The following FGD4 variants were observed in gnomAD, a reference collection of about 807,000 sequenced individuals.
The protein encoded by FGD4 is FYVE, RhoGEF and PH domain-containing protein 4.
A neutral mutation model predicts 102.0 loss-of-function variants in FGD4; 42 were observed. The ratio of observed to expected loss-of-function variants is 0.41; its 90% CI spans 0.32 to 0.53. The LOEUF is 0.53. Among genes scored for constraint, FGD4 ranks in the 20% least tolerant of loss-of-function variants. The pLI, the probability that FGD4 is intolerant of heterozygous loss-of-function variation, is 0.21. For synonymous variants in FGD4, 380 were observed against 375.7 expected, an observed-to-expected ratio of 1.01 and a Z score of -0.13; for missense variants, 902 against 1,078.2, an observed-to-expected ratio of 0.84 and a Z score of 2.29.
rs751756891 is a variant in FGD4, at chr12:32,581,939, C to T, written c.504-21C>T. On this transcript the variant is annotated intron_variant, in intron 3 of 16. Coordinates refer to ENST00000534526, the MANE Select transcript of FGD4 (RefSeq NM_001370298.3). ...TTTCCATACCAATGTTTTCATGCTT[C>T]CTTTGTATTTTATCTTTTAGCTCAT... is the stretch of plus-strand genomic sequence containing the variant. 3.7e-6 allele frequency: 6 copies of T among 1,613,354 alleles called. No homozygotes were observed. In the East Asian group the frequency reaches 1.1e-4, roughly 30 times the overall value.
At chr12:32,639,145 T>TTTTG (rs1258376947) in intron 16 of FGD4, among the ~76,000 whole-genome samples, 11 of 152,094 alleles carry the variant, frequency 7.2e-5, no homozygotes, top group South Asian at 2.1e-4. Context: ...TAATTTTGTT[T>TTTTG]TTTGTTTGTT....
chr12:32,424,899 C>A (rs894256186), intron 1 of FGD4, among the ~76,000 whole-genome samples: 18 of 152,216 alleles, frequency 1.2e-4, no homozygotes, highest in African/African-American at 4.1e-4. Flanking sequence ...ATATCCTTTG[C>A]CCACTTTTTG....
chr12:32,602,312 A>G lies in FGD4; in HGVS notation c.1399A>G (p.Ile467Val). The change falls in exon 7 of 17, where the codon ATT (isoleucine) becomes GTT (valine). Residue 467 changes from isoleucine to valine, a missense_variant. Ile to Val is a conservative substitution (Grantham distance 29, BLOSUM62 3). Transcript: ENST00000534526. ...IPQFKSVVEE[I>V]QKQKICGSLT... ...CCAGTTCAAATCAGTGGTTGAAGAAATTCAGGTAATAGGACTGTTTTGTTC... is the reference window on the plus strand; with the variant it reads ...CCAGTTCAAATCAGTGGTTGAAGAAGTTCAGGTAATAGGACTGTTTTGTTC... The G allele has an allele frequency of 6.2e-7, 1 of 1,614,104 alleles. No homozygotes were observed. The highest frequency in any genetic ancestry group is 1.1e-5 in the South Asian group (1 of 91,076).
intron 1 of FGD4, among the ~76,000 whole-genome samples, chr12:32,551,635 T>A (rs984412870): frequency 2.0e-5 from 3 of 152,202 alleles, no homozygotes. Context: ...ATATAATAAC[T>A]GATACAATTG....
At position 32,643,228 on chromosome 12, in the gene FGD4, G is replaced by A. The variant is rs747272162; in HGVS notation, c.*2695G>A. 12 of 152,288 alleles carry A rather than the reference G, an allele frequency of 7.9e-5. No homozygotes were observed. Among genetic ancestry groups the A allele is most frequent in the Admixed American group, 7.9e-4 (12 of 15,234 alleles). The allele number at this position is 152,288 out of a possible 1,614,324, so 9.4% of individuals were successfully genotyped here. On this transcript the variant is annotated 3_prime_UTR_variant, in exon 17 of 17. Coordinates refer to ENST00000534526, the MANE Select transcript of FGD4 (RefSeq NM_001370298.3). ...CAGACTTTTATCTTGGTTTTAAGTG[G>A]GGCTCAATAAAAAACACCAGCCACT...
intron 1 of FGD4, among the ~76,000 whole-genome samples, chr12:32,537,259 G>A (rs1347692161): frequency 6.6e-6 from 1 of 152,102 alleles, no homozygotes; most frequent in Non-Finnish European, 1.5e-5. Context: ...AGTCTTCCTT[G>A]AGTCATTTTT....
intron 14 of FGD4, among the ~76,000 whole-genome samples, chr12:32,632,713 A>ATTTATTT (rs1228991669): frequency 1.5e-3 from 182 of 123,836 alleles, no homozygotes; most frequent in African/African-American, 5.3e-3. Context: ...TTATTTATTT[A>ATTTATTT]TTTTTTTTTT....
intron 1 of FGD4, among the ~76,000 whole-genome samples, chr12:32,543,627 T>G (rs1422661265): frequency 6.6e-6 from 1 of 152,148 alleles, no homozygotes; most frequent in Non-Finnish European, 1.5e-5. Context: ...CTTAGGAAAT[T>G]ACAAGAGTTT....
intron 1 of FGD4, among the ~76,000 whole-genome samples, chr12:32,400,822 C>A (rs1591830516): frequency 6.6e-6 from 1 of 152,194 alleles, no homozygotes; most frequent in African/African-American, 2.4e-5. Flanking sequence ...TAATTACTTT[C>A]ACGCATTTCA....
At position 32,544,687 on chromosome 12, in the gene FGD4, G is replaced by A. The variant is rs149857158; in HGVS notation, c.167-19450G>A. 1.2e-3 allele frequency among the ~76,000 whole-genome samples: 182 copies of A among 151,762 alleles called. No homozygotes were observed. Among genetic ancestry groups the A allele is most frequent in the Admixed American group, 3.3e-3 (51 of 15,256 alleles). On this transcript the variant is annotated intron_variant, in intron 1 of 16. Transcript: ENST00000534526. The surrounding 1 kb of genome is among the most constrained non-coding windows in gnomAD (Gnocchi z 4.1). The stretch of plus-strand genomic sequence containing the variant: ...GTGGAGGTTGCAGTGAGTTGAGATC[G>A]CACCATTGCACTCCAGCCTGGTGAC...
chr12:32,601,363 C>A lies in FGD4; in HGVS notation c.1187C>A (p.Ser396Ter). ...AATAAAATCTTTTCTAATATTTCAT[C>A]AATAAATGCCTTCCATAGTAAATTC... The part of the protein sequence containing the change: ...MVNKIFSNIS[S>*]INAFHSKFLL... The change falls in exon 6 of 17, where the codon TCA becomes TAA. Residue 396 changes from serine (S) to a stop codon, truncating the protein, a stop_gained. Transcript: ENST00000534526. LOFTEE classifies it high-confidence loss of function. The A allele has an allele frequency of 6.2e-7, 1 of 1,614,090 alleles. No individual in the cohort carries two copies. Among genetic ancestry groups the A allele is most frequent in the Non-Finnish European group, 8.5e-7 (1 of 1,180,014 alleles).
At chr12:32,612,827 C>A (rs1285564145) in intron 10 of FGD4, among the ~76,000 whole-genome samples, 1 of 152,168 alleles carries the variant, frequency 6.6e-6, no homozygotes, top group East Asian at 1.9e-4. Context: ...TCACTGCAGT[C>A]AGTCCTTGAC....
At chr12:32,424,203 A>G (rs1292434352) in intron 1 of FGD4, among the ~76,000 whole-genome samples, 1 of 152,052 alleles carries the variant, frequency 6.6e-6, no homozygotes, top group East Asian at 1.9e-4. Context: ...ATTTCTTCTA[A>G]TGCTATCCCT....
At chr12:32,492,124 C>T (rs1944116234) in intron 1 of FGD4, among the ~76,000 whole-genome samples, 1 of 152,162 alleles carries the variant, frequency 6.6e-6, no homozygotes, top group Non-Finnish European at 1.5e-5. Context: ...AACTGTACAT[C>T]AGCTGAGAGG....
chr12:32,625,189 C>A, intron 13 of FGD4, 121 bp downstream of exon 13: 3 of 730,364 alleles, frequency 4.1e-6, no homozygotes, highest in Admixed American at 2.1e-5. Context: ...GCTGGTTAGA[C>A]AGAATCTCAT....
intron 2 of FGD4, among the ~76,000 whole-genome samples, chr12:32,573,586 A>C (rs113159232): frequency 1.3e-5 from 2 of 152,250 alleles, no homozygotes; most frequent in African/African-American, 2.4e-5. Context: ...AACAAGTGAT[A>C]GAATTTTTTC....
At chr12:32,437,383 A>G (rs774179196) in intron 1 of FGD4, among the ~76,000 whole-genome samples, 6 of 152,144 alleles carry the variant, frequency 3.9e-5, no homozygotes, top group Non-Finnish European at 7.3e-5. Context: ...CAGGAAATCC[A>G]TGTCAGCTAC....
rs962638463 is a variant in FGD4, at chr12:32,642,581, T to C, written c.*2048T>C. The stretch of plus-strand genomic sequence containing the variant: ...AACATGGACACACTTAAGTTTTGGC[T>C]CAATAAATATCAATGTTATTTAACT... On this transcript the variant is annotated 3_prime_UTR_variant, in exon 17 of 17. Coordinates refer to ENST00000534526, the MANE Select transcript of FGD4 (RefSeq NM_001370298.3). The C allele has an allele frequency of 3.9e-5, 6 of 152,126 alleles. No individual in the cohort carries two copies. The highest frequency in any genetic ancestry group is 1.4e-4 in the African/African-American group (6 of 41,464). The allele number at this position is 152,126 out of a possible 1,614,324, so 9.4% of individuals were successfully genotyped here. A position where few individuals can be genotyped will look rare whatever the true frequency, so the allele number is the denominator to read the frequency against.
chr12:32,625,172 A>C (rs1035131546), intron 13 of FGD4, 104 bp downstream of exon 13: 12 of 951,752 alleles, frequency 1.3e-5, no homozygotes, highest in Non-Finnish European at 2.0e-5. Flanking sequence ...TTACAATGTC[A>C]GAACTGGCTG....
Sources: gnomAD v4.1 joint callset for allele counts (sites outside exome capture counted in the v4.1 genomes callset) on GRCh38, gnomAD v4.1.1 for gene constraint, Gnocchi (gnomAD v3.1) non-coding constraint, MANE v1.5 for transcripts, NCBI Gene and HGNC (gene_info 2026-07-23, HGNC 2026-07-21) for gene names.